POLG2: variants seen among roughly 807,000 people sequenced by gnomAD.
POLG2 encodes the protein DNA polymerase gamma 2, accessory subunit.
Under a neutral mutation model 56.5 loss-of-function variants are expected in POLG2, and 50 were observed. The ratio of observed to expected loss-of-function variants is 0.88; its 90% CI spans 0.71 to 1.12. POLG2 has a LOEUF of 1.12. Ranked by LOEUF, POLG2 falls within the 50% of genes most tolerant of loss-of-function variation. The pLI is 0.00. For missense variants in POLG2, 584 were observed against 583.3 expected (o/e 1.00, Z -0.01); for synonymous variants, 226 against 222.6 (o/e 1.02, Z -0.14).
intron 3 of POLG2, 107 bp from the exon 4 acceptor site, chr17:64,491,076 A>C: frequency 1.1e-6 from 1 of 908,512 alleles, no homozygotes; most frequent in Non-Finnish European, 1.8e-6. Flanking sequence ...TTATTCAGCA[A>C]ATGTGCGAAA....
rs1366716598 is a variant in POLG2, at chr17:64,490,896, TAA to T, written c.867_868del (p.Tyr290LeufsTer31). The T allele has an allele frequency of 6.2e-7, 1 of 1,613,718 alleles. No homozygotes were observed. ...CTCCTTTCCCCAGGGAAAATTGTAG[TAA>T]AGTTTGTTTCCTTTCCGGCCTTCTT... On this transcript the variant is annotated frameshift_variant, in exon 4 of 8. Transcript: ENST00000539111. LOFTEE classifies it high-confidence loss of function.
chr17:64,482,870 A>G lies in POLG2; in HGVS notation c.1191+49T>C. 3.7e-6 allele frequency: 4 copies of G among 1,084,668 alleles called. No homozygotes were observed. In the South Asian group the frequency reaches 5.0e-5, roughly 14 times the overall value. The allele number at this position is 1,084,668 out of a possible 1,614,324, so 67.2% of individuals were successfully genotyped here. On this transcript the variant is annotated intron_variant, in intron 6 of 7. Transcript: ENST00000539111. ...TGGTCCTGGTCCAAAGCGTTTTTGG[A>G]TAATACTCAATCTGTAATTAAAATG...
chr17:64,491,663 C>T, intron 3 of POLG2: 2 of 1,327,604 alleles, frequency 1.5e-6, no homozygotes, highest in South Asian at 1.2e-5. Context: ...GGTACTACAA[C>T]AAGTACATCA....
chr17:64,479,187 T>TTA (rs1340609070), intron 7 of POLG2, among the ~76,000 whole-genome samples: 1 of 150,412 alleles, frequency 6.6e-6, no homozygotes, highest in Non-Finnish European at 1.5e-5. Context: ...AAAGGTGTTT[T>TTA]TTTTTTTTTT....
chr17:64,492,610 G>A, intron 3 of POLG2, 57 bp downstream of exon 3: 1 of 955,284 alleles, frequency 1.0e-6, no homozygotes. Flanking sequence ...AATTACCACT[G>A]ACACATTAAG....
At chr17:64,488,523 C>T (rs782613384) in intron 4 of POLG2, among the ~76,000 whole-genome samples, 5 of 152,004 alleles carry the variant, frequency 3.3e-5, no homozygotes, top group African/African-American at 9.7e-5. Context: ...GGCAACATAG[C>T]GAGACCCCAT....
Position 64,477,864 on chromosome 17 carries a change from C to G in POLG2, c.1417G>C (p.Asp473His). ...KEMMHISKLK[D>H]FLIKYISSAK... ...GATGATATATACTTAATCAAAAAGT[C>G]TTTTAATTTGGATATATGCATCATT... Residue 473 changes from aspartate to histidine, a missense_variant, in exon 8 of 8, where the codon GAC (aspartate) becomes CAC (histidine). Transcript: ENST00000539111. The G allele has an allele frequency of 6.2e-7, 1 of 1,610,222 alleles. No homozygotes were observed. Among genetic ancestry groups the G allele is most frequent in the East Asian group, 2.2e-5 (1 of 44,792 alleles).
intron 1 of POLG2, among the ~76,000 whole-genome samples, chr17:64,494,454 G>T (rs991163894): frequency 3.9e-5 from 6 of 152,142 alleles, no homozygotes; most frequent in Non-Finnish European, 8.8e-5. Flanking sequence ...ATCCATTGAT[G>T]ACTGTTGCTT....
chr17:64,496,596 C>A lies in POLG2; in HGVS notation c.373G>T (p.Val125Leu). The part of the protein sequence containing the change: ...WTSVVVFREQ[V>L]FPVDALHHKP... ...TGGTGGAGGGCGTCCACCGGGAATA[C>A]CTGCTCCCTGAACACCACCACCGAG... The change falls in exon 1 of 8, where the codon GTA becomes TTA. Residue 125 changes from valine to leucine, a missense_variant. Val to Leu is a conservative substitution (Grantham distance 32, BLOSUM62 1). Transcript: ENST00000539111. 6.2e-7 allele frequency: 1 copy of A among 1,613,712 alleles called. No homozygotes were observed. Among genetic ancestry groups the A allele is most frequent in the South Asian group, 1.1e-5 (1 of 91,050 alleles).
intron 4 of POLG2, among the ~76,000 whole-genome samples, chr17:64,490,028 G>A (rs2038030268): frequency 1.3e-5 from 2 of 151,828 alleles, no homozygotes; most frequent in Non-Finnish European, 2.9e-5. Flanking sequence ...GGGTTCAAGC[G>A]ATTCTCCTGC....
chr17:64,491,858 G>A (rs1445260312), intron 3 of POLG2: 11 of 302,156 alleles, frequency 3.6e-5, no homozygotes, highest in Admixed American at 3.5e-4. Context: ...ACACAATCTC[G>A]ATTGTTGCTG....
chr17:64,481,101 G>C (rs2037848961), intron 6 of POLG2: 1 of 183,278 alleles, frequency 5.5e-6, no homozygotes, highest in African/African-American at 2.4e-5. Context: ...GTGTTTAGCA[G>C]CATTCCTGGC....
chr17:64,490,060 G>A (rs1012501766), intron 4 of POLG2, among the ~76,000 whole-genome samples: 3 of 152,004 alleles, frequency 2.0e-5, no homozygotes, highest in Non-Finnish European at 2.9e-5. Context: ...AAGTAGCTGA[G>A]ACTATAAGGG....
intron 6 of POLG2, chr17:64,481,317 A>C: frequency 1.0e-6 from 1 of 985,252 alleles, no homozygotes; most frequent in Non-Finnish European, 1.2e-6. Flanking sequence ...ATCTTCCCAG[A>C]CCTCTCCACA....
chr17:64,496,344 C>T, intron 1 of POLG2, 63 bp downstream of exon 1: 2 of 1,091,222 alleles, frequency 1.8e-6, no homozygotes, highest in Non-Finnish European at 2.7e-6. Flanking sequence ...CCCCAAGATC[C>T]AGCAAGACTG....
intron 1 of POLG2, among the ~76,000 whole-genome samples, chr17:64,493,921 C>A (rs1436510367): frequency 6.6e-6 from 1 of 152,146 alleles, no homozygotes; most frequent in Non-Finnish European, 1.5e-5. Flanking sequence ...CCAAATACTG[C>A]CGCATACATC....
intron 4 of POLG2, among the ~76,000 whole-genome samples, chr17:64,489,488 T>C (rs1555668124): frequency 6.7e-6 from 1 of 148,306 alleles, no homozygotes; most frequent in Non-Finnish European, 1.5e-5. Flanking sequence ...TGGCCAAACA[T>C]GGTGACTCAT....
At chr17:64,488,691 A>T (rs1481004099) in intron 4 of POLG2, among the ~76,000 whole-genome samples, 1 of 152,232 alleles carries the variant, frequency 6.6e-6, no homozygotes, top group Non-Finnish European at 1.5e-5. Context: ...ATGAAGTGTG[A>T]TGGTGGTGGA....
In POLG2 at chr17:64,496,837, C is replaced by T. The variant is rs1296435015; in HGVS notation, c.132G>A (p.Val44=). 3.1e-6 allele frequency: 5 copies of T among 1,613,758 alleles called. No homozygotes were observed. The highest frequency in any genetic ancestry group is 4.2e-6 in the Non-Finnish European group (5 of 1,180,032). ...TCCCCTCGAGCTCCGCGTGCGACTTCACATGCCCTCCTTTGGGGCTACTCC... is the reference window on the plus strand; with the variant it reads ...TCCCCTCGAGCTCCGCGTGCGACTTTACATGCCCTCCTTTGGGGCTACTCC... ...TERSSPKGGH[V]KSHAELEGNG... Residue 44 remains valine (V), a synonymous_variant, in exon 1 of 8, where the codon GTG becomes GTA. Transcript: ENST00000539111.
Sources: allele counts gnomAD v4.1 joint callset (sites outside exome capture counted in the v4.1 genomes callset), GRCh38; gene constraint gnomAD v4.1.1; transcripts MANE v1.5; gene names NCBI Gene and HGNC (gene_info 2026-07-23, HGNC 2026-07-21).